The following ATP10D variants were observed in gnomAD, a reference collection of about 807,000 sequenced individuals.
The protein encoded by ATP10D is ATPase phospholipid transporting 10D (putative).
A neutral mutation model predicts 144.8 loss-of-function variants in ATP10D; 89 were observed. The observed-to-expected ratio is 0.61, with a 90% CI of 0.52 to 0.73. ATP10D has a LOEUF of 0.73. ATP10D is among the 30% of genes least tolerant of loss of function. The probability of loss-of-function intolerance (pLI) is 0.00; values close to 1 mark genes in which losing one functional copy is unlikely to be tolerated. For missense variants in ATP10D, 1,603 were observed against 1,714.8 expected (o/e 0.93, Z 1.15); for synonymous variants, 571 against 615.1 (o/e 0.93, Z 1.06).
intron 10 of ATP10D, among the ~76,000 whole-genome samples, chr4:47,554,230 C>T (rs1718862086): frequency 6.6e-6 from 1 of 152,092 alleles, no homozygotes; most frequent in South Asian, 2.1e-4. Flanking sequence ...ATATGTTAGC[C>T]TGCTTATAAT....
chr4:47,491,106 T>A (rs569838161), intron 1 of ATP10D: 1 of 731,640 alleles, frequency 1.4e-6, no homozygotes, highest in Admixed American at 1.8e-5. Context: ...TACTTTTCTC[T>A]TTGGCTTTTT....
intron 2 of ATP10D, among the ~76,000 whole-genome samples, 169 bp from the exon 3 acceptor site, chr4:47,515,307 C>A (rs1020083610): frequency 6.6e-6 from 1 of 152,118 alleles, no homozygotes; most frequent in African/African-American, 2.4e-5. Context: ...AGATGTCTAG[C>A]AGGGTAATAA....
At chr4:47,590,513 T>C (rs1720978927) in intron 22 of ATP10D, among the ~76,000 whole-genome samples, 1 of 152,116 alleles carries the variant, frequency 6.6e-6, no homozygotes, top group African/African-American at 2.4e-5. Context: ...ACAGGAAAGA[T>C]CTGTGGTGGC....
At chr4:47,574,841 C>T (rs1170523368) in intron 18 of ATP10D, among the ~76,000 whole-genome samples, 1 of 152,176 alleles carries the variant, frequency 6.6e-6, no homozygotes, top group African/African-American at 2.4e-5. Flanking sequence ...CACTCTGTCC[C>T]CCAGGCTGGA....
chr4:47,563,851 A>C (rs991959381), intron 15 of ATP10D, 86 bp downstream of exon 15: 2 of 1,277,042 alleles, frequency 1.6e-6, no homozygotes, highest in Non-Finnish European at 2.1e-6. Flanking sequence ...GGATTAAAAA[A>C]AAAACAAAAC....
intron 10 of ATP10D, chr4:47,547,209 T>C: frequency 3.8e-6 from 1 of 265,014 alleles, no homozygotes; most frequent in South Asian, 5.9e-5. Context: ...CAGAGTTATC[T>C]CGTAGTCAGA....
chr4:47,529,039 G>C (rs1219586483), intron 5 of ATP10D, among the ~76,000 whole-genome samples: 1 of 151,822 alleles, frequency 6.6e-6, no homozygotes, highest in South Asian at 2.1e-4. Flanking sequence ...TCTGGATATT[G>C]GTTCTTTGTT....
At chr4:47,542,549 C>G (rs1225645154) in intron 9 of ATP10D, among the ~76,000 whole-genome samples, 1 of 152,206 alleles carries the variant, frequency 6.6e-6, no homozygotes, top group Non-Finnish European at 1.5e-5. Flanking sequence ...GCGATCTTGG[C>G]TCACTGCAAC....
intron 1 of ATP10D, among the ~76,000 whole-genome samples, chr4:47,510,144 G>A (rs1388865120): frequency 1.3e-5 from 2 of 152,024 alleles, no homozygotes; most frequent in Non-Finnish European, 2.9e-5. Flanking sequence ...TTCATCATAT[G>A]TTAATTACCT....
intron 19 of ATP10D, 25 bp from the exon 20 acceptor site, chr4:47,580,373 T>A: frequency 6.4e-7 from 1 of 1,571,456 alleles, no homozygotes; most frequent in Non-Finnish European, 8.8e-7. Context: ...TCTTACTACC[T>A]CCCCGTTATC....
intron 21 of ATP10D, among the ~76,000 whole-genome samples, chr4:47,584,341 A>G (rs1720677298): frequency 6.6e-6 from 1 of 152,004 alleles, no homozygotes. Flanking sequence ...TGAAGTCACT[A>G]TCTCACTTGC....
chr4:47,567,840 T>A (rs1719724572), intron 15 of ATP10D, among the ~76,000 whole-genome samples: 1 of 152,188 alleles, frequency 6.6e-6, no homozygotes, highest in Non-Finnish European at 1.5e-5. Context: ...CTTATTTTGT[T>A]GTAGGTTGAG....
rs966314411 is a variant in ATP10D, at chr4:47,495,399, C to A, written c.-38+9880C>A. On this transcript the variant is annotated intron_variant, in intron 1 of 22. Coordinates refer to ENST00000273859, the MANE Select transcript of ATP10D (RefSeq NM_020453.4). ...AAATGTAAAAGCAATACATTAAGTT[C>A]TGTGTATAGGCTTCATGATTATATG... is the stretch of plus-strand genomic sequence containing the variant. Among the ~76,000 whole-genome samples the A allele has an allele frequency of 2.6e-5, 4 of 151,994 alleles. No homozygotes were observed. In the East Asian group the frequency reaches 7.7e-4, roughly 29 times the overall value.
chr4:47,536,382 T>C, intron 7 of ATP10D, 55 bp from the exon 8 acceptor site: 3 of 1,587,430 alleles, frequency 1.9e-6, no homozygotes, highest in Non-Finnish European at 1.7e-6. Context: ...ATAAAATTTT[T>C]TGTTTGCATG....
intron 2 of ATP10D, among the ~76,000 whole-genome samples, chr4:47,513,532 A>G (rs138523269): frequency 2.0e-5 from 3 of 152,362 alleles, no homozygotes; most frequent in Admixed American, 6.5e-5. Flanking sequence ...ATTTGACTTA[A>G]TAACAGAGGG....
intron 22 of ATP10D, among the ~76,000 whole-genome samples, chr4:47,588,646 G>A (rs367938422): frequency 6.6e-6 from 1 of 152,106 alleles, no homozygotes; most frequent in Admixed American, 6.5e-5. Flanking sequence ...TGTTGCTGAT[G>A]AATGTCTCTT....
chr4:47,525,578 A>G lies in ATP10D; in HGVS notation c.712A>G (p.Lys238Glu), dbSNP rs1232753927. 6.2e-7 allele frequency: 1 copy of G among 1,613,362 alleles called. No individual in the cohort carries two copies. Among genetic ancestry groups the G allele is most frequent in the South Asian group, 1.1e-5 (1 of 91,054 alleles). Residue 238 changes from lysine to glutamate, a missense_variant, in exon 5 of 23, where the codon AAG becomes GAG. Transcript: ENST00000273859. Reference protein sequence around the residue: ...AEQDSEVDPEKFSSRIECESP... With the variant: ...AEQDSEVDPEEFSSRIECESP... ...TTAGGACTCTGAAGTTGATCCTGAG[A>G]AGTTTTCCAGTAGGATAGAATGTGA...
intron 1 of ATP10D, among the ~76,000 whole-genome samples, chr4:47,489,729 G>A (rs1296088736): frequency 6.6e-6 from 1 of 151,966 alleles, no homozygotes; most frequent in African/African-American, 2.4e-5. Flanking sequence ...GGATTATAAG[G>A]GAAATCACAA....
At chr4:47,526,455 G>A (rs1717250646) in intron 5 of ATP10D, among the ~76,000 whole-genome samples, 1 of 152,144 alleles carries the variant, frequency 6.6e-6, no homozygotes. Flanking sequence ...AGAGCCAGCA[G>A]CATATTTAAT....
Sources: gnomAD v4.1 joint callset for allele counts (sites outside exome capture counted in the v4.1 genomes callset) on GRCh38, gnomAD v4.1.1 for gene constraint, MANE v1.5 for transcripts, NCBI Gene and HGNC (gene_info 2026-07-23, HGNC 2026-07-21) for gene names.